Variants in RHPN1 observed in about 807,000 individuals in gnomAD.
RHPN1 encodes rhophilin Rho GTPase binding protein 1.
RHPN1 carries 77 observed loss-of-function variants against 74.7 expected under a neutral mutation model. The observed-to-expected ratio is 1.03, with a 90% CI of 0.86 to 1.25. RHPN1 has a LOEUF of 1.25. Among genes scored for constraint, RHPN1 ranks in the 50% most tolerant of loss-of-function variants. The pLI, the probability that RHPN1 is intolerant of heterozygous loss-of-function variation, is 0.00. For synonymous variants in RHPN1, 444 were observed against 414.5 expected, an observed-to-expected ratio of 1.07 and a Z score of -0.87; for missense variants, 987 against 932.2, an observed-to-expected ratio of 1.06 and a Z score of -0.77.
In RHPN1 at chr8:143,368,884, G is replaced by A; in HGVS notation, c.-104G>A. On this transcript the variant is annotated 5_prime_UTR_variant, in exon 1 of 15. Transcript: ENST00000289013. ...CGGGGACCGGCGCGGGCACTCAGGA[G>A]CCCGCGGCCCAGGTGGTGCGGGCGG... 1.2e-6 allele frequency: 1 copy of A among 827,366 alleles called. No homozygotes were observed. The highest frequency in any genetic ancestry group is 1.6e-6 in the Non-Finnish European group (1 of 608,382). 51.3% of individuals were successfully genotyped at this position (827,366 alleles called of 1,614,324 possible). A position where few individuals can be genotyped will look rare whatever the true frequency, so the allele number is the denominator to read the frequency against.
upstream of RHPN1, among the ~76,000 whole-genome samples, chr8:143,365,479 T>C (rs1486886673): frequency 6.6e-6 from 1 of 152,234 alleles, no homozygotes; most frequent in Non-Finnish European, 1.5e-5. Context: ...GCAGATGGGC[T>C]GGCATGCATG....
rs530296397 is a variant in RHPN1 at position 143,371,230 on chromosome 8, T to C, written c.60+2183T>C. On this transcript the variant is annotated intron_variant, in intron 1 of 14. Transcript: ENST00000289013. Reference sequence around the variant, plus strand: ...GAGACACCTGTGCAGCAATGCCCTTTGAATTCTGTTCCCTCATCAGTGGGG... The same window carrying C: ...GAGACACCTGTGCAGCAATGCCCTTCGAATTCTGTTCCCTCATCAGTGGGG... 3.3e-5 allele frequency among the ~76,000 whole-genome samples: 5 copies of C among 152,280 alleles called. No individual in the cohort carries two copies. The South Asian group carries it at 1.0e-3, about 32-fold the overall frequency.
intron 11 of RHPN1, 100 bp from the exon 12 acceptor site, chr8:143,381,168 G>A (rs1377105631): frequency 1.0e-5 from 10 of 992,942 alleles, no homozygotes; most frequent in Middle Eastern, 2.1e-4. Context: ...GGTCAGAAGC[G>A]GGGCCTGTGT....
chr8:143,368,870 G>C (rs1489937493), upstream of RHPN1: 1 of 626,410 alleles, frequency 1.6e-6, no homozygotes, highest in East Asian at 3.9e-5. Flanking sequence ...GGGGACCGGC[G>C]CGGGCACTCA....
chr8:143,377,260 A>G, intron 3 of RHPN1, 120 bp from the exon 4 acceptor site: 1 of 710,484 alleles, frequency 1.4e-6, no homozygotes. Context: ...ACACAGGCGC[A>G]CGTGCACACC....
rs866471952 is a variant in RHPN1 at position 143,379,069 on chromosome 8, A to G, written c.742A>G (p.Arg248Gly). The change falls in exon 7 of 15, where the codon AGG becomes GGG. Residue 248 changes from arginine (R) to glycine (G), a missense_variant. Physicochemically the swap from Arg to Gly is moderately radical, Grantham distance 125. Transcript: ENST00000289013. The part of the protein sequence containing the change: ...GARRAMEAFQ[R>G]AAGAFSLLRE... ...CCGCCGCGCTATGGAGGCCTTCCAG[A>G]GGGCCGCTGGTGAGGGCGGCCCGGG... is the stretch of plus-strand genomic sequence containing the variant. 3.9e-6 allele frequency: 6 copies of G among 1,521,626 alleles called. No homozygotes were observed. The East Asian group carries it at 1.5e-4, about 38-fold the overall frequency. 94.3% of individuals were successfully genotyped at this position (1,521,626 alleles called of 1,614,324 possible).
chr8:143,378,526 G>A (rs1218720543), intron 5 of RHPN1, among the ~76,000 whole-genome samples, 170 bp from the exon 6 acceptor site: 1 of 152,092 alleles, frequency 6.6e-6, no homozygotes, highest in African/African-American at 2.4e-5. Flanking sequence ...GGGGCTCCCA[G>A]GTGGCTCCGG....
In RHPN1 at chr8:143,373,695, G is replaced by T. The variant is rs558474426; in HGVS notation, c.61-1858G>T. Among the ~76,000 whole-genome samples, 3 of 127,976 alleles carry T rather than the reference G, an allele frequency of 2.3e-5. No homozygotes were observed. In the South Asian group the frequency reaches 7.6e-4, roughly 33 times the overall value. 84.0% of individuals were successfully genotyped at this position (127,976 alleles called of 152,430 possible). ...GGGTTTGGGGATGGCGCGGGTTCCA[G>T]GGGACGGGGCGGGGATTTGGGGGAT... is the stretch of plus-strand genomic sequence containing the variant. On this transcript the variant is annotated intron_variant, in intron 1 of 14. Transcript: ENST00000289013.
Position 143,379,059 on chromosome 8 carries a change from G to A in RHPN1, c.732G>A (p.Glu244=). 1.3e-6 allele frequency: 2 copies of A among 1,530,574 alleles called. No individual in the cohort carries two copies. The highest frequency in any genetic ancestry group is 4.9e-5 in the East Asian group (2 of 40,606). 94.8% of individuals were successfully genotyped at this position (1,530,574 alleles called of 1,614,324 possible). A position where few individuals can be genotyped will look rare whatever the true frequency, so the allele number is the denominator to read the frequency against. The change falls in exon 7 of 15, where the codon GAG becomes GAA. Residue 244 remains glutamate (E), a synonymous_variant. Transcript: ENST00000289013. ...CCGAGGGTGCCCGCCGCGCTATGGA[G>A]GCCTTCCAGAGGGCCGCTGGTGAGG... ...SCTEGARRAM[E]AFQRAAGAFS...
At chr8:143,365,667 T>C (rs1817546629), upstream of RHPN1, among the ~76,000 whole-genome samples, 1 of 152,230 alleles carries the variant, frequency 6.6e-6, no homozygotes, top group Non-Finnish European at 1.5e-5. Flanking sequence ...AGCAAGAGTC[T>C]GCCAGGCTCA....
intron 3 of RHPN1, among the ~76,000 whole-genome samples, chr8:143,376,918 GTC>G (rs1818290142): frequency 6.7e-6 from 1 of 149,720 alleles, no homozygotes; most frequent in Non-Finnish European, 1.5e-5. Flanking sequence ...GTGTCTGTGT[GTC>G]TGCATGTGTC....
chr8:143,380,461 C>T lies in RHPN1; in HGVS notation c.1217-128C>T, dbSNP rs996129226. 65 of 863,998 alleles carry T rather than the reference C, an allele frequency of 7.5e-5. No individual in the cohort carries two copies. The African/African-American group carries it at 7.7e-4, about 10-fold the overall frequency. 53.5% of individuals were successfully genotyped at this position (863,998 alleles called of 1,614,324 possible). On this transcript the variant is annotated intron_variant, in intron 10 of 14. Coordinates refer to ENST00000289013, the MANE Select transcript of RHPN1 (RefSeq NM_052924.3). ...TCCTGCACAGCCAGCTCCTCACCCC[C>T]GTGGCGCGCACCCCCAACGAAAGTG...
intron 3 of RHPN1, 118 bp from the exon 4 acceptor site, chr8:143,377,262 G>A (rs550491520): frequency 2.0e-5 from 15 of 735,316 alleles, no homozygotes; most frequent in South Asian, 3.4e-5. Flanking sequence ...ACAGGCGCAC[G>A]TGCACACCCA....
At chr8:143,378,604 C>G in intron 5 of RHPN1, 92 bp from the exon 6 acceptor site, 1 of 1,472,488 alleles carries the variant, frequency 6.8e-7, no homozygotes. Context: ...CTCCCCGCCC[C>G]CCATGGTGCT....
At chr8:143,373,850 C>T (rs1277085608) in intron 1 of RHPN1, among the ~76,000 whole-genome samples, 1 of 152,074 alleles carries the variant, frequency 6.6e-6, no homozygotes, top group East Asian at 1.9e-4. Flanking sequence ...TTAAGGACCC[C>T]CTACTCCAGG....
intron 5 of RHPN1, 111 bp downstream of exon 5, chr8:143,378,457 C>A: frequency 9.6e-7 from 1 of 1,037,494 alleles, no homozygotes; most frequent in Admixed American, 2.1e-5. Flanking sequence ...ATCTCGAGGA[C>A]GTGGGGAGAC....
chr8:143,382,446 G>T lies in RHPN1; in HGVS notation c.1808G>T (p.Arg603Leu), dbSNP rs376102578. 2.6e-6 allele frequency: 4 copies of T among 1,568,458 alleles called. No homozygotes were observed. The highest frequency in any genetic ancestry group is 1.8e-4 in the Middle Eastern group (1 of 5,452). Reference sequence around the variant, plus strand: ...CTGTCCCTGCTGCAGGGGGACCGCCGGCCCGTCCTGCTGGGCCCCAGGGGG... The same window carrying T: ...CTGTCCCTGCTGCAGGGGGACCGCCTGCCCGTCCTGCTGGGCCCCAGGGGG... The part of the protein sequence containing the change: ...SSRLPSLGDR[R>L]PVLLGPRGLL... The change falls in exon 15 of 15, where the codon CGG becomes CTG. Residue 603 changes from arginine (R) to leucine (L), a missense_variant. Arg to Leu is a moderately radical substitution (Grantham distance 102). Transcript: ENST00000289013.
rs1269434896 is a variant in RHPN1 at position 143,382,776 on chromosome 8, A to C, written c.*125A>C. The C allele has an allele frequency of 6.3e-6, 5 of 791,682 alleles. No individual in the cohort carries two copies. The African/African-American group carries it at 6.9e-5, about 11-fold the overall frequency. The allele number at this position is 791,682 out of a possible 1,614,324, so 49.0% of individuals were successfully genotyped here. ...CCTCATGCTGGAGGCTGCCTCGGGC[A>C]CCTGCCTGCCCATTAAAGACTGGTC... is the stretch of plus-strand genomic sequence containing the variant. On this transcript the variant is annotated 3_prime_UTR_variant, in exon 15 of 15. Transcript: ENST00000289013.
chr8:143,381,381 G>A (rs1818717332), intron 12 of RHPN1, 37 bp downstream of exon 12: 1 of 1,570,350 alleles, frequency 6.4e-7, no homozygotes, highest in South Asian at 1.2e-5. Context: ...CCCAGCATGG[G>A]CAGCTTGGGC....
Sources: gnomAD v4.1 joint callset for allele counts (sites outside exome capture counted in the v4.1 genomes callset) on GRCh38, gnomAD v4.1.1 for gene constraint, MANE v1.5 for transcripts, NCBI Gene and HGNC (gene_info 2026-07-23, HGNC 2026-07-21) for gene names.